Variants in RYR1 observed in about 807,000 individuals in gnomAD.
RYR1 encodes the protein ryanodine receptor 1.
A neutral mutation model predicts 583.5 loss-of-function variants in RYR1; 342 were observed. That is an observed-to-expected ratio of 0.59 (90% CI 0.54 to 0.64). The LOEUF is 0.64. RYR1 is among the 30% of genes least tolerant of loss of function. The pLI is 0.00. For missense variants in RYR1, 6,032 were observed against 6,917.2 expected (o/e 0.87, Z 4.54); for synonymous variants, 2,791 against 2,822.5 (o/e 0.99, Z 0.35).
Position 38,466,245 on chromosome 19 carries a change from G to A in RYR1, c.3025G>A (p.Val1009Met). ...GGGCCAGGGCTGGAGCTACAGCGCA[G>A]TGCAGGACATCCCAGCGCGCCGAAA... ...RVGQGWSYSA[V>M]QDIPARRNPR... Residue 1009 changes from valine (V) to methionine (M), a missense_variant, in exon 24 of 106, where the codon GTG becomes ATG. Val to Met is a conservative substitution (Grantham distance 21, BLOSUM62 1). Around this residue, in one of 11 missense-constraint regions of RYR1, gnomAD observed 2,627 missense variants for 2,961.3 expected, o/e 0.89. Transcript: ENST00000359596. 1.2e-6 allele frequency: 2 copies of A among 1,613,390 alleles called. No homozygotes were observed. Among genetic ancestry groups the A allele is most frequent in the Admixed American group, 1.7e-5 (1 of 60,010 alleles).
chr19:38,565,094 G>C lies in RYR1; in HGVS notation c.12760G>C (p.Glu4254Gln). 1 of 1,551,290 alleles carries C rather than the reference G, an allele frequency of 6.4e-7. No individual in the cohort carries two copies. Among genetic ancestry groups the C allele is most frequent in the Non-Finnish European group, 8.7e-7 (1 of 1,150,954 alleles). The change falls in exon 91 of 106, where the codon GAG becomes CAG. Residue 4254 changes from glutamate to glutamine, a missense_variant. This residue lies in a region of RYR1 where 753 missense variants were observed against 759.6 expected (regional missense o/e 0.99). Coordinates refer to ENST00000359596, the MANE Select transcript of RYR1 (RefSeq NM_000540.3). The surrounding 1 kb of genome is among the most constrained non-coding windows in gnomAD (Gnocchi z 4.7). The stretch of plus-strand genomic sequence containing the variant: ...GATCGCCGCGCAGATCTCGGAGCCC[G>C]AGGGCGAGCCGGAGACCGACGAGGA... ...MQIAAQISEP[E>Q]GEPETDEDEG...
intron 27 of RYR1, among the ~76,000 whole-genome samples, chr19:38,471,015 C>T (rs556463124): frequency 1.1e-4 from 17 of 152,186 alleles, no homozygotes; most frequent in Non-Finnish European, 2.5e-4. Context: ...TACACACAGC[C>T]ATGTGGACGA....
chr19:38,473,444 C>G lies in RYR1; in HGVS notation c.3833C>G (p.Ser1278Cys). 2 of 1,613,986 alleles carry G rather than the reference C, an allele frequency of 1.2e-6. No homozygotes were observed. Among genetic ancestry groups the G allele is most frequent in the Non-Finnish European group, 1.7e-6 (2 of 1,179,976 alleles). ...CLRLTHRTWG[S>C]QNSLVEMLFL... The stretch of plus-strand genomic sequence containing the variant: ...CGCCTGACCCACCGCACCTGGGGCT[C>G]CCAGAACAGCCTGGTGGAGATGCTT... Residue 1278 changes from serine to cysteine, a missense_variant, in exon 28 of 106, where the codon TCC becomes TGC. Around this residue, in one of 11 missense-constraint regions of RYR1, gnomAD observed 2,627 missense variants for 2,961.3 expected, o/e 0.89. Transcript: ENST00000359596.
In RYR1 at chr19:38,496,711, C is replaced by A; in HGVS notation, c.6797-149C>A. On this transcript the variant is annotated intron_variant, in intron 41 of 105. Transcript: ENST00000359596. The surrounding 1 kb of genome is among the most constrained non-coding windows in gnomAD (Gnocchi z 4.8). Reference sequence around the variant, plus strand: ...GACACAATAGTGACCCCAATAGTGACAGCCCAGAGTGGTCAGAGCTTGGAT... The same window carrying A: ...GACACAATAGTGACCCCAATAGTGAAAGCCCAGAGTGGTCAGAGCTTGGAT... The A allele has an allele frequency of 9.1e-7, 1 of 1,098,580 alleles. No homozygotes were observed. Among genetic ancestry groups the A allele is most frequent in the Non-Finnish European group, 1.4e-6 (1 of 727,584 alleles). 68.1% of individuals were successfully genotyped at this position (1,098,580 alleles called of 1,614,324 possible).
chr19:38,548,711 G>C (rs1972539466), intron 89 of RYR1, among the ~76,000 whole-genome samples: 1 of 152,102 alleles, frequency 6.6e-6, no homozygotes, highest in South Asian at 2.1e-4. Context: ...CTGAGTAGTT[G>C]GGACGACGGG....
Position 38,506,288 on chromosome 19 carries a change from C to T in RYR1, c.8542-15C>T, listed in dbSNP as rs1364650831. The T allele has an allele frequency of 2.5e-6, 4 of 1,613,700 alleles. No homozygotes were observed. In the African/African-American group the frequency reaches 4.0e-5, roughly 16 times the overall value. On this transcript the variant is annotated splice_polypyrimidine_tract_variant and intron_variant, in intron 54 of 105. Coordinates refer to ENST00000359596, the MANE Select transcript of RYR1 (RefSeq NM_000540.3). ...GCCCATCAGCCCACCTCCCATCTTC[C>T]CCTTGTCCTCTCAGACCTATGATCC...
At position 38,502,897 on chromosome 19, in the gene RYR1, T is replaced by C. The variant is rs769326916; in HGVS notation, c.7853T>C (p.Met2618Thr). The change falls in exon 49 of 106, where the codon ATG (methionine) becomes ACG (threonine). Residue 2618 changes from methionine (M) to threonine (T), a missense_variant. By Grantham distance (81) the Met-to-Thr change is moderately conservative (BLOSUM62 -1). This residue lies in a region of RYR1 where 250 missense variants were observed against 162.3 expected (regional missense o/e 1.54). Transcript: ENST00000359596. The part of the protein sequence containing the change: ...MSLCRYIRPS[M>T]LQHLLRRLVF... ...TCCCGCAGGTACATCCGCCCGTCGA[T>C]GCTGCAGCACCTGTTGCGCCGCCTG... 1.1e-5 allele frequency: 17 copies of C among 1,611,718 alleles called. No individual in the cohort carries two copies. The highest frequency in any genetic ancestry group is 1.4e-5 in the Non-Finnish European group (16 of 1,179,986).
At chr19:38,438,320 T>G (rs766017257) in intron 1 of RYR1, among the ~76,000 whole-genome samples, 7 of 151,916 alleles carry the variant, frequency 4.6e-5, no homozygotes, top group Non-Finnish European at 5.9e-5. Flanking sequence ...GACATTAACA[T>G]TACATATTAA....
In RYR1 at chr19:38,502,738, G is replaced by A; in HGVS notation, c.7835+11G>A. 6 of 1,522,368 alleles carry A rather than the reference G, an allele frequency of 3.9e-6. No individual in the cohort carries two copies. Among genetic ancestry groups the A allele is most frequent in the African/African-American group, 2.9e-5 (2 of 68,540 alleles). The allele number at this position is 1,522,368 out of a possible 1,614,324, so 94.3% of individuals were successfully genotyped here. A position where few individuals can be genotyped will look rare whatever the true frequency, so the allele number is the denominator to read the frequency against. ...CATGTCGCTCTGCAGGTGGAGCGGG[G>A]CAGGCTTCAGGGTGGGGCAGGGGCA... On this transcript the variant is annotated intron_variant, in intron 48 of 105. Coordinates refer to ENST00000359596, the MANE Select transcript of RYR1 (RefSeq NM_000540.3).
chr19:38,559,924 C>CTTT (rs571980915), intron 89 of RYR1, among the ~76,000 whole-genome samples: 1 of 140,664 alleles, frequency 7.1e-6, no homozygotes, highest in Non-Finnish European at 1.6e-5. Context: ...GTCATGAAAC[C>CTTT]TTTTTTTTTT....
intron 24 of RYR1, among the ~76,000 whole-genome samples, chr19:38,466,722 C>G (rs1395240853): frequency 6.6e-6 from 1 of 152,146 alleles, no homozygotes; most frequent in African/African-American, 2.4e-5. Context: ...AGGATGGTCT[C>G]GATCTCCTGA....
rs1440501536 is a variant in RYR1, at chr19:38,519,222, C to T, written c.10027C>T (p.Gln3343Ter). 7 of 1,614,160 alleles carry T rather than the reference C, an allele frequency of 4.3e-6. No individual in the cohort carries two copies. Among genetic ancestry groups the T allele is most frequent in the Non-Finnish European group, 5.9e-6 (7 of 1,180,026 alleles). ...SWMKRLAVFA[Q>*]PIVSRARPEL... is the part of the protein sequence containing the mutation. ...CCATCGCACCCCTGCAGTGTTCGCACAGCCCATTGTGAGCCGTGCACGGCC... is the reference window on the plus strand; with the variant it reads ...CCATCGCACCCCTGCAGTGTTCGCATAGCCCATTGTGAGCCGTGCACGGCC... Residue 3343 changes from glutamine to a stop codon, truncating the protein, a stop_gained, in exon 67 of 106, where the codon CAG becomes TAG. Transcript: ENST00000359596. LOFTEE classifies it high-confidence loss of function.
At chr19:38,536,873 G>C (rs1600967346) in intron 83 of RYR1, 106 bp downstream of exon 83, 2 of 1,259,518 alleles carry the variant, frequency 1.6e-6, no homozygotes, top group Non-Finnish European at 2.3e-6. Flanking sequence ...GGAGGGGAGG[G>C]AGGGACCCTT....
At chr19:38,563,603 A>G (rs1973253774) in intron 90 of RYR1, among the ~76,000 whole-genome samples, 1 of 152,136 alleles carries the variant, frequency 6.6e-6, no homozygotes, top group Non-Finnish European at 1.5e-5. Flanking sequence ...CGCTGTTCTA[A>G]TCATGCAGCA....
At chr19:38,538,392 T>G (rs1279108672) in intron 84 of RYR1, among the ~76,000 whole-genome samples, 1 of 151,714 alleles carries the variant, frequency 6.6e-6, no homozygotes, top group African/African-American at 2.4e-5. Context: ...AGAGCAAAAC[T>G]CCATCTCAAA....
chr19:38,481,899 C>T (rs2145521351), intron 31 of RYR1, among the ~76,000 whole-genome samples: 1 of 152,180 alleles, frequency 6.6e-6, no homozygotes, highest in East Asian at 1.9e-4. Context: ...ACCAGCCTGA[C>T]CAACATGGTG....
chr19:38,484,897 C>T (rs1969205105), intron 33 of RYR1, among the ~76,000 whole-genome samples: 1 of 151,850 alleles, frequency 6.6e-6, no homozygotes, highest in Non-Finnish European at 1.5e-5. Flanking sequence ...TGCTTAAGCC[C>T]AGGAGTTCAA....
intron 82 of RYR1, among the ~76,000 whole-genome samples, chr19:38,536,429 C>T (rs1250458835): frequency 1.3e-5 from 2 of 151,578 alleles, no homozygotes; most frequent in African/African-American, 4.9e-5. Context: ...TCCTCTTTGC[C>T]GTGTTGTGAC....
In RYR1 at chr19:38,575,623, C is replaced by T. The variant is rs1252647256; in HGVS notation, c.14130-296C>T. On this transcript the variant is annotated intron_variant, in intron 96 of 105. Coordinates refer to ENST00000359596, the MANE Select transcript of RYR1 (RefSeq NM_000540.3). Reference sequence around the variant, plus strand: ...TTCAAGAACAGCCTGGCCAACATGGCAAAACCTCGTCTCTACTAAAAATAC... The same window carrying T: ...TTCAAGAACAGCCTGGCCAACATGGTAAAACCTCGTCTCTACTAAAAATAC... Among the ~76,000 whole-genome samples the T allele has an allele frequency of 3.3e-5, 5 of 152,210 alleles. No homozygotes were observed. The East Asian group carries it at 9.7e-4, about 29-fold the overall frequency.
Sources: allele counts gnomAD v4.1 joint callset (sites outside exome capture counted in the v4.1 genomes callset), GRCh38; gene constraint gnomAD v4.1.1; regional missense constraint gnomAD v4.1.1; non-coding constraint Gnocchi (gnomAD v3.1); transcripts MANE v1.5; gene names NCBI Gene and HGNC (gene_info 2026-07-23, HGNC 2026-07-21).